ETNK1: variants seen among roughly 807,000 people sequenced by gnomAD.
The protein encoded by ETNK1 is putative protein product of Nbla10396.
Under a neutral mutation model 45.1 loss-of-function variants are expected in ETNK1, and 8 were observed. The ratio of observed to expected loss-of-function variants is 0.18; its 90% CI spans 0.10 to 0.32. The LOEUF (loss-of-function observed/expected upper bound fraction) is 0.32. Ranked by LOEUF, ETNK1 falls within the 10% of genes least tolerant of loss-of-function variation. ETNK1 has a pLI of 1.00. For synonymous variants in ETNK1, 152 were observed against 151.9 expected (o/e 1.00, Z -0.01); for missense variants, 302 against 430.6 (o/e 0.70, Z 2.64).
At chr12:22,641,150 G>T (rs970670985) in intron 1 of ETNK1, among the ~76,000 whole-genome samples, 2 of 152,112 alleles carry the variant, frequency 1.3e-5, no homozygotes, top group Admixed American at 1.3e-4. Flanking sequence ...AAGAAGTTGG[G>T]TTTATTACTC....
intron 4 of ETNK1, among the ~76,000 whole-genome samples, chr12:22,666,679 C>T (rs1954056356): frequency 6.6e-6 from 1 of 152,058 alleles, no homozygotes; most frequent in African/African-American, 2.4e-5. Flanking sequence ...TTTTCTCTGT[C>T]AGCACAATAC....
intron 2 of ETNK1, among the ~76,000 whole-genome samples, chr12:22,646,694 A>G (rs1254392844): frequency 6.6e-6 from 1 of 151,818 alleles, no homozygotes; most frequent in Non-Finnish European, 1.5e-5. Context: ...AGTCCACAGT[A>G]CTTTCTTGAA....
chr12:22,665,772 A>T (rs376877577), intron 4 of ETNK1, among the ~76,000 whole-genome samples: 6 of 152,106 alleles, frequency 3.9e-5, no homozygotes, highest in Non-Finnish European at 1.5e-5. Flanking sequence ...AATATACCTG[A>T]TTCTGAAAAA....
At chr12:22,669,034 A>T (rs900679683) in intron 4 of ETNK1, among the ~76,000 whole-genome samples, 1 of 152,152 alleles carries the variant, frequency 6.6e-6, no homozygotes, top group Non-Finnish European at 1.5e-5. Flanking sequence ...GTGTATTTTT[A>T]TTGGCATGTA....
Position 22,679,763 on chromosome 12 carries a change from C to A in ETNK1, c.946-4720C>A, listed in dbSNP as rs1208729147. Among the ~76,000 whole-genome samples, 19 of 148,642 alleles carry A rather than the reference C, an allele frequency of 1.3e-4. No homozygotes were observed. The Admixed American group carries it at 1.3e-3, about 10-fold the overall frequency. On this transcript the variant is annotated intron_variant, in intron 6 of 7. Transcript: ENST00000266517. Reference sequence around the variant, plus strand: ...TCGCCCAGCCTTGAGTGCAGTGGCACAATCTTGGCTCACTGCAACCTCTGC... The same window carrying A: ...TCGCCCAGCCTTGAGTGCAGTGGCAAAATCTTGGCTCACTGCAACCTCTGC...
intron 6 of ETNK1, among the ~76,000 whole-genome samples, chr12:22,681,848 A>C (rs1798678881): frequency 6.6e-6 from 1 of 151,556 alleles, no homozygotes; most frequent in South Asian, 2.1e-4. Context: ...AAGTATATGA[A>C]AAAAAGTTTC....
chr12:22,656,794 C>G (rs1953947375), intron 2 of ETNK1: 2 of 982,618 alleles, frequency 2.0e-6, no homozygotes, highest in Non-Finnish European at 2.4e-6. Context: ...AAAAAAACCA[C>G]AGCAAATAAA....
chr12:22,656,015 A>G (rs569132129), intron 2 of ETNK1, among the ~76,000 whole-genome samples: 151 of 152,334 alleles, frequency 9.9e-4, no homozygotes, highest in Non-Finnish European at 1.9e-3. Context: ...TAGAAAAGGC[A>G]AGACTTTCAA....
rs746134393 is a variant in ETNK1, at chr12:22,685,518, GTC to G, written c.*568_*569del. ...TTTAGGAAGGTGAAATACATTCACT[GTC>G]TCTGTTGGTGGTACATCTTGTTGAA... On this transcript the variant is annotated 3_prime_UTR_variant, in exon 8 of 8. Coordinates refer to ENST00000266517, the MANE Select transcript of ETNK1 (RefSeq NM_018638.5). 5.3e-5 allele frequency: 8 copies of G among 151,830 alleles called. No individual in the cohort carries two copies. Among genetic ancestry groups the G allele is most frequent in the Non-Finnish European group, 1.0e-4 (7 of 67,788 alleles). The allele number at this position is 151,830 out of a possible 1,614,324, so 9.4% of individuals were successfully genotyped here. A position where few individuals can be genotyped will look rare whatever the true frequency, so the allele number is the denominator to read the frequency against.
At chr12:22,626,402 C>T (rs553390504) in intron 1 of ETNK1, among the ~76,000 whole-genome samples, 5 of 147,920 alleles carry the variant, frequency 3.4e-5, no homozygotes, top group Admixed American at 1.4e-4. Flanking sequence ...AAATAGATCT[C>T]TTTTTCTCCT....
chr12:22,625,490 C>G lies in ETNK1; in HGVS notation c.60C>G (p.Thr20=), dbSNP rs1380403794. The G allele has an allele frequency of 6.2e-7, 1 of 1,605,868 alleles. No homozygotes were observed. The change falls in exon 1 of 8, where the codon ACC becomes ACG. Residue 20 remains threonine, a synonymous_variant. Coordinates refer to ENST00000266517, the MANE Select transcript of ETNK1 (RefSeq NM_018638.5). ...GSPEVPKLNV[T]VQDQEEHRCR... is the part of the protein sequence containing the mutation. ...CGGAGGTGCCCAAGCTGAACGTCAC[C>G]GTTCAGGATCAGGAGGAGCATCGCT...
rs1390159130 is a variant in ETNK1 at position 22,671,176 on chromosome 12, G to A, written c.701-96G>A. ...GCATGTAATCAAGCACGTACAATGAGACAAAATATTGGAAGCTATTTAATT... is the reference window on the plus strand; with the variant it reads ...GCATGTAATCAAGCACGTACAATGAAACAAAATATTGGAAGCTATTTAATT... On this transcript the variant is annotated intron_variant, in intron 4 of 7. Coordinates refer to ENST00000266517, the MANE Select transcript of ETNK1 (RefSeq NM_018638.5). 3 of 894,660 alleles carry A rather than the reference G, an allele frequency of 3.4e-6. No homozygotes were observed. In the South Asian group the frequency reaches 4.0e-5, roughly 12 times the overall value. The allele number at this position is 894,660 out of a possible 1,614,324, so 55.4% of individuals were successfully genotyped here.
intron 1 of ETNK1, among the ~76,000 whole-genome samples, chr12:22,628,598 C>T (rs1169742886): frequency 6.6e-6 from 1 of 151,970 alleles, no homozygotes; most frequent in Non-Finnish European, 1.5e-5. Context: ...GATCTCAGGT[C>T]CATAATAATT....
At chr12:22,661,942 A>C (rs375762578) in intron 4 of ETNK1, among the ~76,000 whole-genome samples, 1 of 152,030 alleles carries the variant, frequency 6.6e-6, no homozygotes, top group Non-Finnish European at 1.5e-5. Flanking sequence ...TAAATGATAG[A>C]TGCCCTTCAA....
chr12:22,649,810 A>G (rs1406650324), intron 2 of ETNK1, among the ~76,000 whole-genome samples: 4 of 152,102 alleles, frequency 2.6e-5, no homozygotes, highest in African/African-American at 9.7e-5. Flanking sequence ...GTATACATGT[A>G]AACTTTAGAA....
chr12:22,635,134 C>A (rs531936762), intron 1 of ETNK1, among the ~76,000 whole-genome samples: 1 of 152,260 alleles, frequency 6.6e-6, no homozygotes, highest in Non-Finnish European at 1.5e-5. Flanking sequence ...GAAACACTTT[C>A]TTACCAAGCG....
At chr12:22,674,990 A>T (rs1343740627) in intron 6 of ETNK1, among the ~76,000 whole-genome samples, 3 of 152,388 alleles carry the variant, frequency 2.0e-5, no homozygotes, top group Admixed American at 2.0e-4. Context: ...TTAGAAGGCC[A>T]AATAAGATGT....
At chr12:22,627,466 C>G (rs1953517296) in intron 1 of ETNK1, among the ~76,000 whole-genome samples, 1 of 152,118 alleles carries the variant, frequency 6.6e-6, no homozygotes, top group Admixed American at 6.5e-5. Context: ...AAGCTTTGGT[C>G]TAGAAGCTGT....
intron 2 of ETNK1, among the ~76,000 whole-genome samples, chr12:22,650,113 G>A (rs867195625): frequency 6.6e-6 from 1 of 152,012 alleles, no homozygotes; most frequent in East Asian, 1.9e-4. Context: ...TTACTGGTAT[G>A]TAGGAAAGCA....
Sources: gnomAD v4.1 joint callset for allele counts (sites outside exome capture counted in the v4.1 genomes callset) on GRCh38, gnomAD v4.1.1 for gene constraint, MANE v1.5 for transcripts, NCBI Gene and HGNC (gene_info 2026-07-23, HGNC 2026-07-21) for gene names.